Variants in RAF1 observed in about 807,000 individuals in gnomAD.
RAF1 encodes RAF proto-oncogene serine/threonine-protein kinase.
Under a neutral mutation model 81.1 loss-of-function variants are expected in RAF1, and 27 were observed. That is an observed-to-expected ratio of 0.33 (90% CI 0.25 to 0.46). RAF1 has a LOEUF of 0.46. Among genes scored for constraint, RAF1 ranks in the 20% least tolerant of loss-of-function variants. RAF1 has a pLI of 1.00. For synonymous variants in RAF1, 298 were observed against 294.0 expected, an observed-to-expected ratio of 1.01 and a Z score of -0.14; for missense variants, 598 against 826.0, an observed-to-expected ratio of 0.72 and a Z score of 3.38.
intron 1 of RAF1, among the ~76,000 whole-genome samples, chr3:12,647,832 T>C (rs118069048): frequency 0.015 from 2,224 of 152,294 alleles, 33 homozygotes; most frequent in Admixed American, 0.044. Flanking sequence ...CTTCATCAGA[T>C]GACAGCCCAG....
chr3:12,609,680 T>C (rs996145412), intron 3 of RAF1, among the ~76,000 whole-genome samples: 8 of 152,182 alleles, frequency 5.3e-5, no homozygotes, highest in Non-Finnish European at 1.0e-4. Context: ...AGAGTCTTGC[T>C]GTGTTGCCCA....
chr3:12,660,424 A>G (rs979177736), intron 1 of RAF1, among the ~76,000 whole-genome samples: 1 of 151,926 alleles, frequency 6.6e-6, no homozygotes, highest in African/African-American at 2.4e-5. Context: ...CAGCCTCCCA[A>G]GCAGCTGGGA....
At chr3:12,633,934 C>CAAAAAA (rs35322613) in intron 1 of RAF1, among the ~76,000 whole-genome samples, 1 of 95,542 alleles carries the variant, frequency 1.0e-5, no homozygotes, top group Non-Finnish European at 2.1e-5. Flanking sequence ...AAAACTCTCT[C>CAAAAAA]AAAAAAAAAA....
intron 1 of RAF1, among the ~76,000 whole-genome samples, chr3:12,647,659 AT>A (rs2060396584): frequency 6.6e-6 from 1 of 152,236 alleles, no homozygotes; most frequent in African/African-American, 2.4e-5. Context: ...TGGAAAAAAA[AT>A]AACTTTCACA....
rs1277405651 is a variant in RAF1 at position 12,584,275 on chromosome 3, A to G, written c.*239T>C. 4 of 557,734 alleles carry G rather than the reference A, an allele frequency of 7.2e-6. No individual in the cohort carries two copies. The highest frequency in any genetic ancestry group is 1.9e-5 in the African/African-American group (1 of 53,258). 34.5% of individuals were successfully genotyped at this position (557,734 alleles called of 1,614,324 possible). The stretch of plus-strand genomic sequence containing the variant: ...ATCTACAGAAGGCTGGGCCTTGAGC[A>G]TGGGGAATGTGGGGAGGGAGCAGGA... On this transcript the variant is annotated 3_prime_UTR_variant, in exon 18 of 18. Transcript: ENST00000442415.
At chr3:12,621,455 T>C (rs2059553755) in intron 1 of RAF1, among the ~76,000 whole-genome samples, 1 of 152,250 alleles carries the variant, frequency 6.6e-6, no homozygotes. Flanking sequence ...AGATACTTAG[T>C]ATTCTTAGAT....
intron 14 of RAF1, 153 bp downstream of exon 13, chr3:12,587,438 C>T: frequency 1.3e-6 from 1 of 787,084 alleles, no homozygotes; most frequent in Non-Finnish European, 2.3e-6. Flanking sequence ...GCCAAGCCTA[C>T]TAATTTTCTG....
rs145611571 is a variant in RAF1, at chr3:12,618,600, C to A, written c.122G>T (p.Arg41Leu). ...TGTGAGTTTGCCATCATCTGATGCC[C>A]GGCGCTGATAGCCAAACTGCTGAAC... The change falls in exon 2 of 18, where the codon CGG becomes CTG. Residue 41 changes from arginine (R) to leucine (L), a missense_variant. By Grantham distance (102) the Arg-to-Leu change is moderately radical (BLOSUM62 -2). Coordinates refer to ENST00000442415, the MANE Select transcript of RAF1 (RefSeq NM_001354689.3). The A allele has an allele frequency of 8.7e-6, 14 of 1,613,992 alleles. No homozygotes were observed. The highest frequency in any genetic ancestry group is 1.2e-5 in the Non-Finnish European group (14 of 1,180,026).
At chr3:12,650,729 C>A (rs147625545) in intron 1 of RAF1, among the ~76,000 whole-genome samples, 1 of 152,144 alleles carries the variant, frequency 6.6e-6, no homozygotes, top group African/African-American at 2.4e-5. Flanking sequence ...AAACCACCAC[C>A]GTTTAACAAA....
At chr3:12,634,626 C>G (rs1165186918) in intron 1 of RAF1, among the ~76,000 whole-genome samples, 1 of 152,084 alleles carries the variant, frequency 6.6e-6, no homozygotes, top group Non-Finnish European at 1.5e-5. Context: ...ATTATGTGAC[C>G]CCTTCTAGCA....
chr3:12,617,298 A>G (rs770141047), intron 2 of RAF1, among the ~76,000 whole-genome samples: 2 of 152,024 alleles, frequency 1.3e-5, no homozygotes, highest in Non-Finnish European at 2.9e-5. Context: ...CAATTTTAGT[A>G]GAGATGGGGT....
intron 1 of RAF1, among the ~76,000 whole-genome samples, chr3:12,639,592 A>C (rs1241495186): frequency 6.6e-6 from 1 of 152,172 alleles, no homozygotes; most frequent in Non-Finnish European, 1.5e-5. Flanking sequence ...ACAAACAGAG[A>C]GCCAAATCAT....
chr3:12,618,857 C>T (rs886168288), intron 1 of RAF1, 110 bp from the exon 2 acceptor site: 1 of 816,344 alleles, frequency 1.2e-6, no homozygotes. Flanking sequence ...TTTAATGATA[C>T]CTCCTGCATT....
At chr3:12,628,335 A>C (rs1335882173) in intron 1 of RAF1, among the ~76,000 whole-genome samples, 1 of 151,916 alleles carries the variant, frequency 6.6e-6, no homozygotes, top group Non-Finnish European at 1.5e-5. Flanking sequence ...GTTTGAGACC[A>C]GCCTTGGCAA....
chr3:12,603,139 T>C (rs562181522), intron 8 of RAF1, among the ~76,000 whole-genome samples: 22 of 152,252 alleles, frequency 1.4e-4, no homozygotes, highest in African/African-American at 4.3e-4. Context: ...ACAGGCACAA[T>C]TGTAGCTCCC....
At chr3:12,606,417 T>C in intron 5 of RAF1, 118 bp from the exon 6 acceptor site, 1 of 728,962 alleles carries the variant, frequency 1.4e-6, no homozygotes, top group South Asian at 1.5e-5. Context: ...CCAGTCACAT[T>C]TTCCTCAACT....
chr3:12,659,303 C>G (rs975248496), intron 1 of RAF1, among the ~76,000 whole-genome samples: 8 of 151,532 alleles, frequency 5.3e-5, no homozygotes, highest in African/African-American at 1.9e-4. Context: ...TGGCCGGCGC[C>G]TGTAATCCCA....
chr3:12,623,797 C>CAAAA (rs71063844), intron 1 of RAF1, among the ~76,000 whole-genome samples: 8 of 121,622 alleles, frequency 6.6e-5, no homozygotes, highest in Non-Finnish European at 1.0e-4. Flanking sequence ...GACTCTGTCT[C>CAAAA]AAAAAAAAAA....
At position 12,585,346 on chromosome 3, in the gene RAF1, T is replaced by A. The variant is rs61762463; in HGVS notation, c.1597-93A>T. The stretch of plus-strand genomic sequence containing the variant: ...GCCAGGCTGTCCCTTTCATTAGTTA[T>A]GAATGAGTCCATTCTTCAGTCCCCA... On this transcript the variant is annotated intron_variant, in intron 15 of 17. Coordinates refer to ENST00000442415, the MANE Select transcript of RAF1 (RefSeq NM_001354689.3). 75 of 1,585,326 alleles carry A rather than the reference T, an allele frequency of 4.7e-5. No individual in the cohort carries two copies. In the African/African-American group the frequency reaches 9.2e-4, roughly 20 times the overall value.
Sources: allele counts gnomAD v4.1 joint callset (sites outside exome capture counted in the v4.1 genomes callset), GRCh38; gene constraint gnomAD v4.1.1; transcripts MANE v1.5; gene names NCBI Gene and HGNC (gene_info 2026-07-23, HGNC 2026-07-21).